ARHGEF10: variants seen among roughly 807,000 people sequenced by gnomAD.
The protein encoded by ARHGEF10 is Rho guanine nucleotide exchange factor (GEF) 10.
ARHGEF10 carries 140 observed loss-of-function variants against 147.4 expected under a neutral mutation model. That is an observed-to-expected ratio of 0.95 (90% CI 0.83 to 1.09). ARHGEF10 has a LOEUF of 1.09. ARHGEF10 is among the 50% of genes least tolerant of loss of function. The probability of loss-of-function intolerance (pLI) is 0.00; values close to 1 mark genes in which losing one functional copy is unlikely to be tolerated. For missense variants in ARHGEF10, 2,222 were observed against 1,752.7 expected (o/e 1.27, Z -4.78); for synonymous variants, 902 against 695.8 (o/e 1.30, Z -4.67).
intron 8 of ARHGEF10, among the ~76,000 whole-genome samples, chr8:1,879,539 A>G (rs1585367676): frequency 6.8e-6 from 1 of 147,548 alleles, no homozygotes; most frequent in South Asian, 2.1e-4. Context: ...TGTTTAGCTC[A>G]TTTCTGCATT....
In ARHGEF10 at chr8:1,885,631, A is replaced by G; in HGVS notation, c.1106A>G (p.Asn369Ser). 6.2e-7 allele frequency: 1 copy of G among 1,613,844 alleles called. No individual in the cohort carries two copies. The highest frequency in any genetic ancestry group is 8.5e-7 in the Non-Finnish European group (1 of 1,179,926). The change falls in exon 11 of 29, where the codon AAT (asparagine) becomes AGT (serine). Residue 369 changes from asparagine (N) to serine (S), a missense_variant. Physicochemically the swap from Asn to Ser is conservative, Grantham distance 46 (BLOSUM62 1). Transcript: ENST00000349830. ...DHRSSLEEEQ[N>S]LFIDVDCKHP... is the part of the protein sequence containing the mutation. Reference sequence around the variant, plus strand: ...AGATCTTCTCTTGAGGAAGAACAGAATTTGTTCATTGATGTTGACTGCAAG... The same window carrying G: ...AGATCTTCTCTTGAGGAAGAACAGAGTTTGTTCATTGATGTTGACTGCAAG...
intron 18 of ARHGEF10, among the ~76,000 whole-genome samples, chr8:1,920,612 G>C (rs553145448): frequency 6.6e-6 from 1 of 152,118 alleles, no homozygotes; most frequent in Non-Finnish European, 1.5e-5. Flanking sequence ...ATAGGCATCA[G>C]TTACCACAAC....
At chr8:1,926,295 GT>G (rs1303092231) in intron 22 of ARHGEF10, 81 bp from the exon 23 acceptor site, 5 of 1,105,526 alleles carry the variant, frequency 4.5e-6, no homozygotes, top group Non-Finnish European at 7.0e-6. Flanking sequence ...TTGGAAGTAA[GT>G]CATCCATTTA....
intron 21 of ARHGEF10, among the ~76,000 whole-genome samples, 162 bp downstream of exon 21, chr8:1,924,036 T>G (rs1320544857): frequency 6.6e-6 from 1 of 152,186 alleles, no homozygotes; most frequent in African/African-American, 2.4e-5. Flanking sequence ...CACCGGCGAT[T>G]TTTTAGATGT....
At chr8:1,924,998 CA>C (rs1416411804) in intron 21 of ARHGEF10, among the ~76,000 whole-genome samples, 1 of 152,226 alleles carries the variant, frequency 6.6e-6, no homozygotes, top group African/African-American at 2.4e-5. Context: ...GTGGTTTATA[CA>C]GCGACGTTTG....
At position 1,913,594 on chromosome 8, in the gene ARHGEF10, G is replaced by C. The variant is rs117430735; in HGVS notation, c.2143+4124G>C. On this transcript the variant is annotated intron_variant, in intron 18 of 28. Coordinates refer to ENST00000349830, the MANE Select transcript of ARHGEF10 (RefSeq NM_014629.4). Reference sequence around the variant, plus strand: ...TCTGGCTTTGCTTGTTATTGGACCAGCATCTACCTGGTCCAATACCAGCGT... The same window carrying C: ...TCTGGCTTTGCTTGTTATTGGACCACCATCTACCTGGTCCAATACCAGCGT... Among the ~76,000 whole-genome samples, 1,386 of 152,300 alleles carry C rather than the reference G, an allele frequency of 9.1e-3. 6 individuals carry two copies. Among genetic ancestry groups the C allele is most frequent in the Non-Finnish European group, 0.016 (1,089 of 68,030 alleles).
At chr8:1,829,887 G>T (rs1802984743) in intron 1 of ARHGEF10, among the ~76,000 whole-genome samples, 1 of 152,194 alleles carries the variant, frequency 6.6e-6, no homozygotes, top group Admixed American at 6.5e-5. Context: ...GTTTAGACAT[G>T]CAGGTTTCTC....
At chr8:1,949,108 A>C (rs1294660362) in intron 27 of ARHGEF10, among the ~76,000 whole-genome samples, 2 of 152,182 alleles carry the variant, frequency 1.3e-5, no homozygotes, top group Non-Finnish European at 2.9e-5. Context: ...AGCTTCTGCA[A>C]ATGAAGACTT....
intron 7 of ARHGEF10, among the ~76,000 whole-genome samples, chr8:1,874,846 G>A (rs1162706236): frequency 3.1e-5 from 4 of 130,024 alleles, no homozygotes; most frequent in African/African-American, 1.2e-4. Flanking sequence ...ACGGCGTGTA[G>A]GGGGTAGAGG....
chr8:1,949,018 A>ATGTG (rs56097916), intron 27 of ARHGEF10, among the ~76,000 whole-genome samples: 5,611 of 150,062 alleles, frequency 0.037, 123 homozygotes, highest in Middle Eastern at 0.071. Context: ...ATGGGTTTTC[A>ATGTG]TGTGTGTGTG....
In ARHGEF10 at chr8:1,857,875, GATCGATCTATCT is replaced by G. The variant is rs1185856622; in HGVS notation, c.38-81_38-70del. 0.014 allele frequency: 12,524 copies of G among 917,540 alleles called. 134 individuals are homozygous for G. Among genetic ancestry groups the G allele is most frequent in the African/African-American group, 0.062 (3,143 of 50,920 alleles). 56.8% of individuals were successfully genotyped at this position (917,540 alleles called of 1,614,324 possible). Reference sequence around the variant, plus strand: ...TCAGTGTCTCTGGCTAACATAGATCGATCGATCTATCTATCTATCTATCTATCTATCTATCTA... The same window carrying G: ...TCAGTGTCTCTGGCTAACATAGATCGATCTATCTATCTATCTATCTATCTA... On this transcript the variant is annotated intron_variant, in intron 2 of 28. Transcript: ENST00000349830.
intron 1 of ARHGEF10, among the ~76,000 whole-genome samples, chr8:1,839,729 G>C (rs1381040089): frequency 3.7e-4 from 51 of 139,554 alleles, no homozygotes; most frequent in East Asian, 9.4e-4. Context: ...GGACTGTCCG[G>C]TGTGGAAGCT....
rs890335210 is a variant in ARHGEF10, at chr8:1,903,416, A to C, written c.1786A>C (p.Ile596Leu). 6.2e-7 allele frequency: 1 copy of C among 1,614,244 alleles called. No homozygotes were observed. The highest frequency in any genetic ancestry group is 8.5e-7 in the Non-Finnish European group (1 of 1,180,040). The change falls in exon 16 of 29, where the codon ATA becomes CTA. Residue 596 changes from isoleucine to leucine, a missense_variant. Physicochemically the swap from Ile to Leu is conservative, Grantham distance 5 (BLOSUM62 2). Coordinates refer to ENST00000349830, the MANE Select transcript of ARHGEF10 (RefSeq NM_014629.4). ...TGATCAACGCTGTGAAGTGAAGCAA[A>C]TAGCCAAAGCCATAAACGAAAGATA... Reference protein sequence around the residue: ...DADQRCEVKQIAKAINERYLN... With the variant: ...DADQRCEVKQLAKAINERYLN...
intron 4 of ARHGEF10, among the ~76,000 whole-genome samples, chr8:1,863,146 A>T (rs926095519): frequency 2.0e-5 from 3 of 152,086 alleles, no homozygotes; most frequent in African/African-American, 7.2e-5. Context: ...TGGAGCAGGC[A>T]GATTGGATTT....
chr8:1,908,440 G>A (rs555908188), intron 17 of ARHGEF10, among the ~76,000 whole-genome samples: 1 of 152,036 alleles, frequency 6.6e-6, no homozygotes, highest in African/African-American at 2.4e-5. Context: ...CACTGTGTTA[G>A]CCAGGATGGT....
intron 18 of ARHGEF10, among the ~76,000 whole-genome samples, chr8:1,921,394 A>T (rs1214678863): frequency 6.6e-6 from 1 of 152,238 alleles, no homozygotes; most frequent in Non-Finnish European, 1.5e-5. Context: ...CGTAGCATAG[A>T]AGGAAAATGC....
At chr8:1,886,866 C>G (rs1808705354) in intron 11 of ARHGEF10, among the ~76,000 whole-genome samples, 1 of 152,158 alleles carries the variant, frequency 6.6e-6, no homozygotes, top group African/African-American at 2.4e-5. Context: ...GCAGCCTGCT[C>G]CTAACCTGTC....
chr8:1,955,106 C>T (rs74349874), intron 28 of ARHGEF10, among the ~76,000 whole-genome samples: 4 of 55,492 alleles, frequency 7.2e-5, no homozygotes, highest in Non-Finnish European at 1.1e-4. Flanking sequence ...GGAGGATAGC[C>T]AGGTGCTCCC....
intron 25 of ARHGEF10, among the ~76,000 whole-genome samples, chr8:1,930,964 C>G (rs550157169): frequency 6.6e-6 from 1 of 152,226 alleles, no homozygotes; most frequent in Admixed American, 6.5e-5. Flanking sequence ...GTGGGTGCCC[C>G]GGCCTGGATT....
Sources: allele counts gnomAD v4.1 joint callset (sites outside exome capture counted in the v4.1 genomes callset), GRCh38; gene constraint gnomAD v4.1.1; transcripts MANE v1.5; gene names NCBI Gene and HGNC (gene_info 2026-07-23, HGNC 2026-07-21).